ARHGAP31: variants seen among roughly 807,000 people sequenced by gnomAD.
ARHGAP31 encodes the protein rho GTPase-activating protein 31.
In ARHGAP31, 34 loss-of-function variants were observed where a neutral mutation model predicts 113.9. The ratio of observed to expected loss-of-function variants is 0.30; its 90% CI spans 0.23 to 0.40. The LOEUF (loss-of-function observed/expected upper bound fraction) is 0.40, where lower values mean the gene tolerates loss of function less well. ARHGAP31 is among the 10% of genes least tolerant of loss of function. The pLI, the probability that ARHGAP31 is intolerant of heterozygous loss-of-function variation, is 1.00. For synonymous variants in ARHGAP31, 650 were observed against 684.8 expected (o/e 0.95, Z 0.79); for missense variants, 1,548 against 1,767.1 (o/e 0.88, Z 2.22).
At chr3:119,315,112 A>G (rs1184536747) in intron 1 of ARHGAP31, among the ~76,000 whole-genome samples, 1 of 152,248 alleles carries the variant, frequency 6.6e-6, no homozygotes, top group African/African-American at 2.4e-5. Flanking sequence ...GAAAATACTC[A>G]AAAACATAAG....
At chr3:119,366,299 A>G (rs1577014288) in intron 2 of ARHGAP31, among the ~76,000 whole-genome samples, 1 of 152,242 alleles carries the variant, frequency 6.6e-6, no homozygotes, top group East Asian at 1.9e-4. Context: ...TCTTATTACA[A>G]GGCTAATATG....
intron 3 of ARHGAP31, among the ~76,000 whole-genome samples, chr3:119,376,361 C>T (rs1250740112): frequency 1.3e-5 from 2 of 152,044 alleles, no homozygotes; most frequent in African/African-American, 2.4e-5. Context: ...TGGTAGTGTG[C>T]GCCTGTAATC....
chr3:119,350,546 C>A (rs778439433), intron 1 of ARHGAP31, among the ~76,000 whole-genome samples: 1 of 152,106 alleles, frequency 6.6e-6, no homozygotes, highest in Non-Finnish European at 1.5e-5. Context: ...CCAGAGGGTA[C>A]AATAAGCAAA....
Position 119,400,414 on chromosome 3 carries a change from C to G in ARHGAP31, c.1069+1153C>G, listed in dbSNP as rs369219227. ...GTTTGAACCCAGGAGGCAGAGATTG[C>G]AGTGAGCTGAGATTGCGCCACTGCA... On this transcript the variant is annotated intron_variant, in intron 9 of 11. Transcript: ENST00000264245. 1.6e-4 allele frequency among the ~76,000 whole-genome samples: 24 copies of G among 152,024 alleles called. No homozygotes were observed. In the East Asian group the frequency reaches 3.9e-3, roughly 25 times the overall value.
rs1389616947 is a variant in ARHGAP31, at chr3:119,360,859, ATAT to A, written c.101-4453_101-4451del. ...AGTGAAATGATTCTAAGAAGCTATGATATTATGTCATCAGCAGCAACTATGTGT... is the reference window on the plus strand; with the variant it reads ...AGTGAAATGATTCTAAGAAGCTATGATATGTCATCAGCAGCAACTATGTGT... On this transcript the variant is annotated intron_variant, in intron 1 of 11. Transcript: ENST00000264245. Among the ~76,000 whole-genome samples the A allele has an allele frequency of 3.3e-5, 5 of 152,286 alleles. No individual in the cohort carries two copies. In the East Asian group the frequency reaches 9.6e-4, roughly 29 times the overall value.
intron 1 of ARHGAP31, among the ~76,000 whole-genome samples, chr3:119,353,845 C>T (rs912031615): frequency 6.7e-6 from 1 of 149,164 alleles, no homozygotes; most frequent in Non-Finnish European, 1.5e-5. Flanking sequence ...ACTAGTTTCA[C>T]AATAATTACC....
At chr3:119,306,980 G>A (rs6438519) in intron 1 of ARHGAP31, among the ~76,000 whole-genome samples, 63,777 of 151,346 alleles carry the variant, frequency 0.42, 13,627 homozygotes, top group South Asian at 0.46. Flanking sequence ...TGAGTCATTG[G>A]CTTTTTCATA....
At chr3:119,373,022 G>A (rs1645595243) in intron 3 of ARHGAP31, among the ~76,000 whole-genome samples, 1 of 152,142 alleles carries the variant, frequency 6.6e-6, no homozygotes, top group Admixed American at 6.5e-5. Flanking sequence ...AGGAAATCAA[G>A]TTTCATCTTT....
At chr3:119,325,226 T>C (rs1321916701) in intron 1 of ARHGAP31, among the ~76,000 whole-genome samples, 3 of 152,250 alleles carry the variant, frequency 2.0e-5, no homozygotes, top group African/African-American at 7.2e-5. Flanking sequence ...AAATTTTGCT[T>C]AAAATTCTTA....
intron 6 of ARHGAP31, among the ~76,000 whole-genome samples, chr3:119,388,307 T>TAAA (rs59845208): frequency 7.5e-6 from 1 of 132,816 alleles, no homozygotes; most frequent in Non-Finnish European, 1.7e-5. Flanking sequence ...ATGTATAATT[T>TAAA]TTATATATAT....
rs1412113523 is a variant in ARHGAP31 at position 119,409,797 on chromosome 3, G to T, written c.1926+21G>T. On this transcript the variant is annotated intron_variant, in intron 11 of 11. Coordinates refer to ENST00000264245, the MANE Select transcript of ARHGAP31 (RefSeq NM_020754.4). ...AGATGGTAAAGTGCATTCTCCACCT[G>T]CTCCAGCCAGGTGGAGTTATTTTTT... The T allele has an allele frequency of 4.4e-6, 7 of 1,577,238 alleles. No individual in the cohort carries two copies. In the Admixed American group the frequency reaches 5.5e-5, roughly 12 times the overall value.
intron 5 of ARHGAP31, among the ~76,000 whole-genome samples, chr3:119,382,795 G>C (rs533031403): frequency 6.6e-6 from 1 of 152,326 alleles, no homozygotes; most frequent in African/African-American, 2.4e-5. Flanking sequence ...AGTTAGGTGG[G>C]AGTGGAAAGG....
At chr3:119,303,019 A>G (rs928764024) in intron 1 of ARHGAP31, among the ~76,000 whole-genome samples, 1 of 151,994 alleles carries the variant, frequency 6.6e-6, no homozygotes, top group African/African-American at 2.4e-5. Flanking sequence ...CATCTTCTTC[A>G]CCTCTTGGAA....
chr3:119,311,666 G>C (rs776794464), intron 1 of ARHGAP31, among the ~76,000 whole-genome samples: 2 of 152,210 alleles, frequency 1.3e-5, no homozygotes, highest in Non-Finnish European at 2.9e-5. Flanking sequence ...AGTGGAGGAA[G>C]AGATGGACAT....
chr3:119,413,512 C>T (rs984738864), intron 11 of ARHGAP31, among the ~76,000 whole-genome samples: 1 of 152,074 alleles, frequency 6.6e-6, no homozygotes, highest in African/African-American at 2.4e-5. Context: ...TAGGTACTTA[C>T]GTTCTGGTGT....
At chr3:119,388,308 T>TATA (rs1553765977) in intron 6 of ARHGAP31, among the ~76,000 whole-genome samples, 20,236 of 133,628 alleles carry the variant, frequency 0.15, 1,899 homozygotes, top group Admixed American at 0.22. Flanking sequence ...TGTATAATTT[T>TATA]TATATATATA....
intron 10 of ARHGAP31, 40 bp from the exon 11 acceptor site, chr3:119,409,456 T>C: frequency 6.2e-7 from 1 of 1,612,218 alleles, no homozygotes; most frequent in Non-Finnish European, 8.5e-7. Flanking sequence ...TCTCTTGAAA[T>C]GAAGTCTCCT....
intron 1 of ARHGAP31, among the ~76,000 whole-genome samples, chr3:119,327,460 G>A (rs1176816432): frequency 5.3e-5 from 8 of 151,952 alleles, no homozygotes; most frequent in Non-Finnish European, 8.8e-5. Context: ...CTGGAGAATC[G>A]CTTGAACCCA....
At chr3:119,328,259 C>T (rs573185722) in intron 1 of ARHGAP31, among the ~76,000 whole-genome samples, 5 of 152,144 alleles carry the variant, frequency 3.3e-5, no homozygotes, top group Admixed American at 3.3e-4. Flanking sequence ...GGGGGAAAAC[C>T]GAATCTAAGA....
Sources: gnomAD v4.1 joint callset for allele counts (sites outside exome capture counted in the v4.1 genomes callset) on GRCh38, gnomAD v4.1.1 for gene constraint, MANE v1.5 for transcripts, NCBI Gene and HGNC (gene_info 2026-07-23, HGNC 2026-07-21) for gene names.